FAM117B: variants seen among roughly 807,000 people sequenced by gnomAD.
FAM117B encodes the protein family with sequence similarity 117 member B, also known as protein FAM117B.
Under a neutral mutation model 52.8 loss-of-function variants are expected in FAM117B, and 22 were observed. The observed-to-expected ratio is 0.42, with a 90% CI of 0.30 to 0.59. The LOEUF is 0.59. Ranked by LOEUF, FAM117B falls within the 20% of genes least tolerant of loss-of-function variation. The pLI, the probability that FAM117B is intolerant of heterozygous loss-of-function variation, is 0.22. For missense variants in FAM117B, 678 were observed against 802.6 expected, an observed-to-expected ratio of 0.84 and a Z score of 1.88; for synonymous variants, 309 against 324.1, an observed-to-expected ratio of 0.95 and a Z score of 0.50.
At chr2:202,648,988 G>A (rs993185203) in intron 1 of FAM117B, among the ~76,000 whole-genome samples, 3 of 148,766 alleles carry the variant, frequency 2.0e-5, no homozygotes, top group Non-Finnish European at 4.4e-5. Flanking sequence ...TCCTGACCTC[G>A]GGCGTTCTGC....
At chr2:202,656,262 G>A (rs146932108) in intron 1 of FAM117B, among the ~76,000 whole-genome samples, 1 of 151,974 alleles carries the variant, frequency 6.6e-6, no homozygotes, top group East Asian at 1.9e-4. Context: ...CTTGCTTTTG[G>A]TTTAGTTTGC....
intron 2 of FAM117B, among the ~76,000 whole-genome samples, chr2:202,698,225 A>G (rs557498675): frequency 2.2e-4 from 34 of 152,304 alleles, no homozygotes; most frequent in African/African-American, 7.9e-4. Flanking sequence ...TTGGATTTGT[A>G]TATTGATTTC....
At chr2:202,749,046 G>T (rs572766370) in intron 4 of FAM117B, among the ~76,000 whole-genome samples, 1 of 151,942 alleles carries the variant, frequency 6.6e-6, no homozygotes, top group African/African-American at 2.4e-5. Flanking sequence ...CTTAGCAAAG[G>T]TTTAGAAAAA....
chr2:202,763,170 C>T (rs761176350), intron 7 of FAM117B, among the ~76,000 whole-genome samples: 90 of 149,398 alleles, frequency 6.0e-4, no homozygotes, highest in Middle Eastern at 3.5e-3. Flanking sequence ...CTCCCGGGTT[C>T]GCGCCATTCT....
chr2:202,755,118 A>G (rs1410311834), intron 4 of FAM117B, among the ~76,000 whole-genome samples: 2 of 152,024 alleles, frequency 1.3e-5, no homozygotes, highest in Non-Finnish European at 2.9e-5. Context: ...TCACAGTACT[A>G]AGAGGGACTG....
chr2:202,670,299 C>CT (rs1031304228), intron 1 of FAM117B, among the ~76,000 whole-genome samples: 24 of 125,066 alleles, frequency 1.9e-4, no homozygotes, highest in South Asian at 1.8e-3. Flanking sequence ...TTTTTTTTTT[C>CT]TTTTTTTTTG....
chr2:202,737,934 C>A (rs1029409717), intron 4 of FAM117B, among the ~76,000 whole-genome samples: 2 of 152,002 alleles, frequency 1.3e-5, no homozygotes, highest in Non-Finnish European at 2.9e-5. Flanking sequence ...AATAGTATTC[C>A]ATTACATGGA....
intron 1 of FAM117B, among the ~76,000 whole-genome samples, chr2:202,693,809 T>C (rs1690668785): frequency 6.6e-6 from 1 of 152,202 alleles, no homozygotes; most frequent in African/African-American, 2.4e-5. Flanking sequence ...TGTCCAATCA[T>C]CTTCTCATTT....
In FAM117B at chr2:202,676,614, G is replaced by A. The variant is rs183753538; in HGVS notation, c.602-19267G>A. On this transcript the variant is annotated intron_variant, in intron 1 of 7. Coordinates refer to ENST00000392238, the MANE Select transcript of FAM117B (RefSeq NM_173511.4). ...AGGCTGGTCTTGAACTCCTGACCTC[G>A]TGATCTGCCTGCCTCAGCCTCCCAA... Among the ~76,000 whole-genome samples, 706 of 152,130 alleles carry A rather than the reference G, an allele frequency of 4.6e-3. 2 individuals are homozygous for A. The highest frequency in any genetic ancestry group is 7.9e-3 in the Non-Finnish European group (537 of 67,982).
rs757599870 is a variant in FAM117B, at chr2:202,726,273, G to A, written c.870G>A (p.Leu290=). The change falls in exon 4 of 8, where the codon TTG becomes TTA. Residue 290 remains leucine, a synonymous_variant. Coordinates refer to ENST00000392238, the MANE Select transcript of FAM117B (RefSeq NM_173511.4). ...LKEIAKLRQQ[L]QRSKHSSRHH... ...AGATTGCAAAATTACGCCAGCAGTTGCAGAGAAGTAAACACAGCAGTCGGC... is the reference window on the plus strand; with the variant it reads ...AGATTGCAAAATTACGCCAGCAGTTACAGAGAAGTAAACACAGCAGTCGGC... 25 of 1,612,688 alleles carry A rather than the reference G, an allele frequency of 1.6e-5. No individual in the cohort carries two copies. In the Admixed American group the frequency reaches 2.5e-4, roughly 16 times the overall value.
chr2:202,650,818 A>G (rs1476697426), intron 1 of FAM117B, among the ~76,000 whole-genome samples: 1 of 152,154 alleles, frequency 6.6e-6, no homozygotes, highest in Non-Finnish European at 1.5e-5. Flanking sequence ...CGCTCTTCCA[A>G]GATCTTCTCC....
Position 202,755,627 on chromosome 2 carries a change from T to C in FAM117B, c.1050T>C (p.Asn350=). ...TCCGGAATAGCGTGGAAGGATTGAATCAGGAGATTGAAATAATAATTAAAG... is the reference window on the plus strand; with the variant it reads ...TCCGGAATAGCGTGGAAGGATTGAACCAGGAGATTGAAATAATAATTAAAG... The part of the protein sequence containing the change: ...SRFRNSVEGL[N]QEIEIIIKET... Residue 350 remains asparagine, a synonymous_variant, in exon 5 of 8, where the codon AAT becomes AAC. Transcript: ENST00000392238. 1 of 1,614,032 alleles carries C rather than the reference T, an allele frequency of 6.2e-7. No homozygotes were observed. Among genetic ancestry groups the C allele is most frequent in the African/African-American group, 1.3e-5 (1 of 75,040 alleles).
intron 4 of FAM117B, among the ~76,000 whole-genome samples, chr2:202,728,578 A>G (rs184224252): frequency 1.2e-3 from 180 of 152,288 alleles, no homozygotes; most frequent in Admixed American, 2.6e-3. Flanking sequence ...TTCATTCATA[A>G]ATAAATGGTA....
chr2:202,749,421 G>A (rs1334661195), intron 4 of FAM117B, among the ~76,000 whole-genome samples: 1 of 142,410 alleles, frequency 7.0e-6, no homozygotes, highest in Non-Finnish European at 1.5e-5. Context: ...ATAGAGATAG[G>A]TTACAGGTCT....
In FAM117B at chr2:202,635,290, A is replaced by C; in HGVS notation, c.103A>C (p.Met35Leu). 1 of 1,416,020 alleles carries C rather than the reference A, an allele frequency of 7.1e-7. No individual in the cohort carries two copies. The highest frequency in any genetic ancestry group is 1.5e-5 in the African/African-American group (1 of 67,024). The allele number at this position is 1,416,020 out of a possible 1,614,324, so 87.7% of individuals were successfully genotyped here. A position where few individuals can be genotyped will look rare whatever the true frequency, so the allele number is the denominator to read the frequency against. ...AGGPGSRLQP[M>L]RATVPFQLKQ... ...GGGACCCGGGAGCCGCTTGCAGCCC[A>C]TGAGGGCGACGGTTCCGTTCCAGCT... Residue 35 changes from methionine (M) to leucine (L), a missense_variant, in exon 1 of 8, where the codon ATG (methionine) becomes CTG (leucine). Met to Leu is a conservative substitution (Grantham distance 15). Around this residue, in one of 3 missense-constraint regions of FAM117B, gnomAD observed 583 missense variants for 644.8 expected, o/e 0.90. Transcript: ENST00000392238.
In FAM117B at chr2:202,766,981, C is replaced by T. The variant is rs1442315875; in HGVS notation, c.*1217C>T. 6.6e-6 allele frequency: 1 copy of T among 152,492 alleles called. No individual in the cohort carries two copies. Among genetic ancestry groups the T allele is most frequent in the Non-Finnish European group, 1.5e-5 (1 of 68,034 alleles). The allele number at this position is 152,492 out of a possible 1,614,324, so 9.4% of individuals were successfully genotyped here. On this transcript the variant is annotated 3_prime_UTR_variant, in exon 8 of 8. Transcript: ENST00000392238. ...CCTACAGATTTTGCTAATTTACCCC[C>T]CTAACGCTTCACATAGTGGGGAAAA...
In FAM117B at chr2:202,750,097, G is replaced by A. The variant is rs555217143; in HGVS notation, c.961-5441G>A. On this transcript the variant is annotated intron_variant, in intron 4 of 7. Coordinates refer to ENST00000392238, the MANE Select transcript of FAM117B (RefSeq NM_173511.4). ...ATTTGGTTGAGGGTTCTCCCCTTGG[G>A]TTGCAGACAGCTCCCTTCTTGCTGT... Among the ~76,000 whole-genome samples the A allele has an allele frequency of 3.9e-5, 6 of 152,320 alleles. No homozygotes were observed. The South Asian group carries it at 1.2e-3, about 32-fold the overall frequency.
intron 4 of FAM117B, among the ~76,000 whole-genome samples, chr2:202,740,077 G>A (rs1316219451): frequency 3.4e-5 from 5 of 146,232 alleles, no homozygotes. Context: ...GGAGGCTGAG[G>A]CAGGAGAATG....
In FAM117B at chr2:202,666,791, G is replaced by T. The variant is rs1006901782; in HGVS notation, c.602-29090G>T. Among the ~76,000 whole-genome samples the T allele has an allele frequency of 4.1e-5, 6 of 145,526 alleles. No individual in the cohort carries two copies. The East Asian group carries it at 1.3e-3, about 31-fold the overall frequency. Reference sequence around the variant, plus strand: ...TCAAGTGATTCTCCTGCCTCAGCCCGCTGAGTAGCTGGGACAGCTAATTTT... The same window carrying T: ...TCAAGTGATTCTCCTGCCTCAGCCCTCTGAGTAGCTGGGACAGCTAATTTT... On this transcript the variant is annotated intron_variant, in intron 1 of 7. Transcript: ENST00000392238.
Sources: allele counts gnomAD v4.1 joint callset (sites outside exome capture counted in the v4.1 genomes callset), GRCh38; gene constraint gnomAD v4.1.1; regional missense constraint gnomAD v4.1.1; transcripts MANE v1.5; gene names NCBI Gene and HGNC (gene_info 2026-07-23, HGNC 2026-07-21).